KIAA1671: variants seen among roughly 807,000 people sequenced by gnomAD.
The protein encoded by KIAA1671 is uncharacterized protein KIAA1671.
Under a neutral mutation model 131.2 loss-of-function variants are expected in KIAA1671, and 52 were observed. The observed-to-expected ratio is 0.40, with a 90% CI of 0.32 to 0.50. KIAA1671 has a LOEUF of 0.50. KIAA1671 is among the 20% of genes least tolerant of loss of function. The probability of loss-of-function intolerance (pLI) is 0.73; values close to 1 mark genes in which losing one functional copy is unlikely to be tolerated. For synonymous variants in KIAA1671, 1,003 were observed against 961.6 expected (o/e 1.04, Z -0.80); for missense variants, 2,360 against 2,364.2 (o/e 1.00, Z 0.04).
chr22:25,093,768 G>GTCTCTCTCTCTC (rs71191028), intron 6 of KIAA1671, among the ~76,000 whole-genome samples: 3 of 60,744 alleles, frequency 4.9e-5, no homozygotes, highest in South Asian at 5.9e-4. Flanking sequence ...CTCTCTCTCT[G>GTCTCTCTCTCTC]TCTCTCTCTC....
At chr22:25,178,453 C>G (rs1934121860) in intron 9 of KIAA1671, among the ~76,000 whole-genome samples, 1 of 152,248 alleles carries the variant, frequency 6.6e-6, no homozygotes, top group Non-Finnish European at 1.5e-5. Flanking sequence ...CAGGAGGGGC[C>G]AGCACTCCAA....
chr22:25,043,921 C>T (rs988914899), intron 5 of KIAA1671, among the ~76,000 whole-genome samples: 6 of 152,262 alleles, frequency 3.9e-5, no homozygotes, highest in African/African-American at 1.4e-4. Context: ...AACCTTTCAC[C>T]TCCCTGCACC....
chr22:25,174,352 T>TATGACTGCTCCAGGGACCAGC lies in KIAA1671; in HGVS notation c.4763_4783dup (p.Gln1594_Arg1595insHisAspCysSerArgAspGln). On this transcript the variant is annotated inframe_insertion, in exon 8 of 13. Transcript: ENST00000358431. Reference sequence around the variant, plus strand: ...GGAGCCCACCTCGGCAGGGGACCAGTATGACTGCTCCAGGGACCAGCGGAG... The same window carrying TATGACTGCTCCAGGGACCAGC: ...GGAGCCCACCTCGGCAGGGGACCAGTATGACTGCTCCAGGGACCAGCATGACTGCTCCAGGGACCAGCGGAG... The TATGACTGCTCCAGGGACCAGC allele has an allele frequency of 6.4e-7, 1 of 1,552,020 alleles. No homozygotes were observed. The highest frequency in any genetic ancestry group is 8.7e-7 in the Non-Finnish European group (1 of 1,147,082).
intron 12 of KIAA1671, among the ~76,000 whole-genome samples, chr22:25,192,143 AC>A (rs1044567993): frequency 1.3e-5 from 2 of 152,036 alleles, no homozygotes; most frequent in African/African-American, 4.8e-5. Flanking sequence ...GCCTCCAGCA[AC>A]CCCTTTGAGG....
intron 1 of KIAA1671, among the ~76,000 whole-genome samples, chr22:25,006,276 A>C (rs1924747511): frequency 6.6e-6 from 1 of 152,012 alleles, no homozygotes; most frequent in Non-Finnish European, 1.5e-5. Context: ...CAGGTGATCC[A>C]CCCACCTCGG....
At chr22:24,981,010 G>A (rs1180366888) in intron 1 of KIAA1671, among the ~76,000 whole-genome samples, 1 of 152,028 alleles carries the variant, frequency 6.6e-6, no homozygotes, top group African/African-American at 2.4e-5. Context: ...GCCTCCCAAA[G>A]TGCTGAGATT....
At chr22:25,084,448 A>T (rs2145868698) in intron 6 of KIAA1671, among the ~76,000 whole-genome samples, 1 of 113,744 alleles carries the variant, frequency 8.8e-6, no homozygotes, top group East Asian at 2.3e-4. Flanking sequence ...ACAGAGCAAG[A>T]CTCTATCTCA....
At chr22:25,111,878 A>T (rs1931377670) in intron 6 of KIAA1671, 1 of 185,260 alleles carries the variant, frequency 5.4e-6, no homozygotes, top group South Asian at 2.0e-4. Context: ...TGAGCCCTGG[A>T]ACTGGAACCT....
At chr22:25,020,125 T>C (rs1306033834) in intron 1 of KIAA1671, among the ~76,000 whole-genome samples, 4 of 152,166 alleles carry the variant, frequency 2.6e-5, no homozygotes, top group African/African-American at 9.7e-5. Context: ...GGGGAAAATA[T>C]TTGATTTGGA....
intron 6 of KIAA1671, among the ~76,000 whole-genome samples, chr22:25,143,846 C>G (rs1932839189): frequency 6.6e-6 from 1 of 152,096 alleles, no homozygotes; most frequent in South Asian, 2.1e-4. Flanking sequence ...GTGAATTAAC[C>G]TCTCTGAACC....
At chr22:25,143,324 G>A (rs1030314084) in intron 6 of KIAA1671, among the ~76,000 whole-genome samples, 12 of 152,218 alleles carry the variant, frequency 7.9e-5, no homozygotes, top group Non-Finnish European at 1.5e-4. Context: ...AGGAGTCTAC[G>A]CCAGCACAGG....
intron 4 of KIAA1671, among the ~76,000 whole-genome samples, chr22:25,036,847 C>A (rs938703484): frequency 1.2e-3 from 190 of 152,026 alleles, no homozygotes; most frequent in Non-Finnish European, 1.5e-3. Context: ...TCACTTGAAT[C>A]TGGGAGGCAG....
chr22:25,152,871 C>T (rs1933096707), intron 6 of KIAA1671, among the ~76,000 whole-genome samples: 1 of 152,148 alleles, frequency 6.6e-6, no homozygotes, highest in South Asian at 2.1e-4. Context: ...TCCCAAAGTG[C>T]TGGGATTATA....
chr22:25,042,499 C>T (rs1050357203), intron 5 of KIAA1671, among the ~76,000 whole-genome samples: 6 of 131,100 alleles, frequency 4.6e-5, no homozygotes, highest in Non-Finnish European at 7.8e-5. Context: ...CGGAGTCTCA[C>T]ACTGTCACCT....
chr22:25,078,260 C>T (rs1422160831), intron 6 of KIAA1671, among the ~76,000 whole-genome samples: 3 of 152,190 alleles, frequency 2.0e-5, no homozygotes, highest in Non-Finnish European at 2.9e-5. Flanking sequence ...TGCAGTGGTT[C>T]ACGCCTGTAA....
intron 6 of KIAA1671, among the ~76,000 whole-genome samples, chr22:25,124,924 T>G (rs1932107871): frequency 6.6e-6 from 1 of 151,996 alleles, no homozygotes; most frequent in Admixed American, 6.6e-5. Flanking sequence ...GTCTGGCTAA[T>G]TTTTTGTAGT....
rs1220024720 is a variant in KIAA1671 at position 25,034,460 on chromosome 22, C to CT, written c.1629+1775dup. On this transcript the variant is annotated intron_variant, in intron 4 of 12. Transcript: ENST00000358431. ...CTTTAGTATAAATGGAATCAGTCCT[C>CT]TTTTTTTTTTTGCCCTTGCTTGTTC... Among the ~76,000 whole-genome samples the CT allele has an allele frequency of 1.0e-3, 145 of 145,722 alleles. 2 individuals are homozygous for CT. Among genetic ancestry groups the CT allele is most frequent in the Admixed American group, 3.0e-3 (44 of 14,606 alleles).
intron 6 of KIAA1671, among the ~76,000 whole-genome samples, chr22:25,067,773 A>C (rs983676216): frequency 7.9e-5 from 12 of 152,136 alleles, no homozygotes; most frequent in African/African-American, 2.9e-4. Context: ...CTCCATGCTG[A>C]CTGTGGCCCC....
At chr22:25,087,111 C>T (rs1929766040) in intron 6 of KIAA1671, among the ~76,000 whole-genome samples, 1 of 152,048 alleles carries the variant, frequency 6.6e-6, no homozygotes, top group East Asian at 1.9e-4. Context: ...TTTTTCTCAT[C>T]TGTAAAATGG....
Sources: gnomAD v4.1 joint callset for allele counts (sites outside exome capture counted in the v4.1 genomes callset) on GRCh38, gnomAD v4.1.1 for gene constraint, MANE v1.5 for transcripts, NCBI Gene and HGNC (gene_info 2026-07-23, HGNC 2026-07-21) for gene names.